Variants in RABL6 observed in about 807,000 individuals in gnomAD.
RABL6 encodes RAB, member RAS oncogene family like 6.
Under a neutral mutation model 72.9 loss-of-function variants are expected in RABL6, and 28 were observed. The observed-to-expected ratio is 0.38, with a 90% CI of 0.28 to 0.53. The LOEUF is 0.53. Among genes scored for constraint, RABL6 ranks in the 20% least tolerant of loss-of-function variants. The probability of loss-of-function intolerance (pLI) is 0.80; values close to 1 mark genes in which losing one functional copy is unlikely to be tolerated. For synonymous variants in RABL6, 477 were observed against 421.2 expected, an observed-to-expected ratio of 1.13 and a Z score of -1.62; for missense variants, 1,029 against 1,008.4, an observed-to-expected ratio of 1.02 and a Z score of -0.28.
rs771313251 is a variant in RABL6 at position 136,825,782 on chromosome 9, C to T, written c.269C>T (p.Thr90Met). ...TTTAGGATTCTCCCTGTTTCAGCCA[C>T]GGATGACATCGTGAAGGTTGAAGTC... ...VTSIHWSYKTTDDIVKVEVWD... is the reference protein window; with the variant it reads ...VTSIHWSYKTMDDIVKVEVWD... The change falls in exon 3 of 15, where the codon ACG becomes ATG. Residue 90 changes from threonine to methionine, a missense_variant. Coordinates refer to ENST00000311502, the MANE Select transcript of RABL6 (RefSeq NM_024718.5). 12 of 1,613,458 alleles carry T rather than the reference C, an allele frequency of 7.4e-6. No individual in the cohort carries two copies. The highest frequency in any genetic ancestry group is 9.3e-6 in the Non-Finnish European group (11 of 1,179,546).
rs1359473077 is a variant in RABL6, at chr9:136,839,845, C to A, written c.1910C>A (p.Pro637His). The A allele has an allele frequency of 1.2e-6, 2 of 1,612,352 alleles. No individual in the cohort carries two copies. Among genetic ancestry groups the A allele is most frequent in the South Asian group, 2.2e-5 (2 of 91,040 alleles). ...LFGLGLEEAG[P>H]KESSEEGKEG... is the part of the protein sequence containing the mutation. ...GGGCTGGGGCTGGAGGAGGCCGGACCCAAGGAGAGCAGTGAGGAAGGTGGG... is the reference window on the plus strand; with the variant it reads ...GGGCTGGGGCTGGAGGAGGCCGGACACAAGGAGAGCAGTGAGGAAGGTGGG... The change falls in exon 13 of 15, where the codon CCC becomes CAC. Residue 637 changes from proline to histidine, a missense_variant. Coordinates refer to ENST00000311502, the MANE Select transcript of RABL6 (RefSeq NM_024718.5).
chr9:136,823,944 G>C (rs959050310), intron 2 of RABL6, among the ~76,000 whole-genome samples: 1 of 152,252 alleles, frequency 6.6e-6, no homozygotes. Flanking sequence ...GCTGAAAAGA[G>C]GTACATTCCG....
chr9:136,818,047 A>AC, intron 1 of RABL6, among the ~76,000 whole-genome samples: 1 of 128,792 alleles, frequency 7.8e-6, no homozygotes, highest in Non-Finnish European at 1.6e-5. Context: ...GGGCAACAGA[A>AC]CAAGACTCCA....
chr9:136,808,476 G>T (rs1847919778), intron 1 of RABL6, 150 bp downstream of exon 1: 3 of 889,388 alleles, frequency 3.4e-6, no homozygotes, highest in South Asian at 9.5e-5. Flanking sequence ...GCGGGGGCGC[G>T]GGCCAGGGGA....
At chr9:136,822,561 C>G (rs1461379237) in intron 1 of RABL6, among the ~76,000 whole-genome samples, 1 of 152,132 alleles carries the variant, frequency 6.6e-6, no homozygotes, top group African/African-American at 2.4e-5. Context: ...TGTTCTTAGT[C>G]CAGTCGGGTG....
chr9:136,810,626 C>G (rs1166383333), intron 1 of RABL6, among the ~76,000 whole-genome samples: 1 of 152,100 alleles, frequency 6.6e-6, no homozygotes, highest in Non-Finnish European at 1.5e-5. Flanking sequence ...ACTGCAAGCT[C>G]CTCCTCCCGG....
chr9:136,833,631 A>G, intron 7 of RABL6: 1 of 1,517,354 alleles, frequency 6.6e-7, no homozygotes, highest in Non-Finnish European at 8.9e-7. Context: ...GGTCTGGGGG[A>G]CCTGAACCTC....
rs1016347637 is a variant in RABL6 at position 136,835,771 on chromosome 9, G to A, written c.735G>A (p.Thr245=). 19 of 1,550,866 alleles carry A rather than the reference G, an allele frequency of 1.2e-5. No individual in the cohort carries two copies. Among genetic ancestry groups the A allele is most frequent in the South Asian group, 4.8e-5 (4 of 84,072 alleles). ...QRETLLRQLE[T]NQLDMDATLE... ...AGACGCTGTTGCGGCAGCTGGAGACGAACCAGCTGGACATGGACGCCACGC... is the reference window on the plus strand; with the variant it reads ...AGACGCTGTTGCGGCAGCTGGAGACAAACCAGCTGGACATGGACGCCACGC... The change falls in exon 8 of 15, where the codon ACG becomes ACA. Residue 245 remains threonine (T), a synonymous_variant. Coordinates refer to ENST00000311502, the MANE Select transcript of RABL6 (RefSeq NM_024718.5).
At position 136,837,159 on chromosome 9, in the gene RABL6, G is replaced by A. The variant is rs1848597826; in HGVS notation, c.810-187G>A. On this transcript the variant is annotated intron_variant, in intron 8 of 14. Transcript: ENST00000311502. ...TACAGTGCTGGGATTACAGGCATGAGCCACCGTGCCTGGCTGGCACTGCTG... is the reference window on the plus strand; with the variant it reads ...TACAGTGCTGGGATTACAGGCATGAACCACCGTGCCTGGCTGGCACTGCTG... 5.4e-6 allele frequency: 4 copies of A among 743,230 alleles called. No homozygotes were observed. In the East Asian group the frequency reaches 1.1e-4, roughly 20 times the overall value. The allele number at this position is 743,230 out of a possible 1,614,324, so 46.0% of individuals were successfully genotyped here. A position where few individuals can be genotyped will look rare whatever the true frequency, so the allele number is the denominator to read the frequency against.
Position 136,808,243 on chromosome 9 carries a change from G to C in RABL6, c.47G>C (p.Gly16Ala). The change falls in exon 1 of 15, where the codon GGC becomes GCC. Residue 16 changes from glycine to alanine, a missense_variant. Gly to Ala is a moderately conservative substitution (Grantham distance 60). Coordinates refer to ENST00000311502, the MANE Select transcript of RABL6 (RefSeq NM_024718.5). ...KKLVGSDQAPGRDKNIPAGLQ... is the reference protein window; with the variant it reads ...KKLVGSDQAPARDKNIPAGLQ... Reference sequence around the variant, plus strand: ...CTGGTGGGGTCGGACCAGGCCCCGGGCCGGGACAAGAACATCCCCGCCGGG... The same window carrying C: ...CTGGTGGGGTCGGACCAGGCCCCGGCCCGGGACAAGAACATCCCCGCCGGG... 2.6e-6 allele frequency: 4 copies of C among 1,564,624 alleles called. No homozygotes were observed. Among genetic ancestry groups the C allele is most frequent in the Non-Finnish European group, 3.5e-6 (4 of 1,157,148 alleles).
chr9:136,834,445 T>G lies in RABL6; in HGVS notation c.706-1297T>G, dbSNP rs1041786311. 3.7e-5 allele frequency: 36 copies of G among 985,742 alleles called. No homozygotes were observed. The African/African-American group carries it at 4.9e-4, about 13-fold the overall frequency. The allele number at this position is 985,742 out of a possible 1,614,324, so 61.1% of individuals were successfully genotyped here. On this transcript the variant is annotated intron_variant, in intron 7 of 14. Transcript: ENST00000311502. ...GATTTCTCTTTGTAAATCACATTTTTTTGTTGTTGTTATAGCCTGGGGACC... is the reference window on the plus strand; with the variant it reads ...GATTTCTCTTTGTAAATCACATTTTGTTGTTGTTGTTATAGCCTGGGGACC...
In RABL6 at chr9:136,823,298, T is replaced by G. The variant is rs564911008; in HGVS notation, c.131-227T>G. Among the ~76,000 whole-genome samples, 294 of 152,120 alleles carry G rather than the reference T, an allele frequency of 1.9e-3. 1 individual carries two copies. Among genetic ancestry groups the G allele is most frequent in the African/African-American group, 6.8e-3 (284 of 41,474 alleles). On this transcript the variant is annotated intron_variant, in intron 1 of 14. Transcript: ENST00000311502. ...GTAGAAAGCTGCCCCCTGGGCCCGG[T>G]TCGCCGTTGATGCTCTGTGTGCTGC...
In RABL6 at chr9:136,808,013, C is replaced by A. The variant is rs1206355363; in HGVS notation, c.-184C>A. 132 of 1,030,910 alleles carry A rather than the reference C, an allele frequency of 1.3e-4. No individual in the cohort carries two copies. Among genetic ancestry groups the A allele is most frequent in the Non-Finnish European group, 1.5e-4 (126 of 860,144 alleles). 63.9% of individuals were successfully genotyped at this position (1,030,910 alleles called of 1,614,324 possible). A position where few individuals can be genotyped will look rare whatever the true frequency, so the allele number is the denominator to read the frequency against. ...GCCGCGGGGGCCGGAGCGGAGCAGCCGCGGCTGAGGTTCCCGAGTCGCCGC... is the reference window on the plus strand; with the variant it reads ...GCCGCGGGGGCCGGAGCGGAGCAGCAGCGGCTGAGGTTCCCGAGTCGCCGC... On this transcript the variant is annotated 5_prime_UTR_variant, in exon 1 of 15. Transcript: ENST00000311502.
At chr9:136,828,389 C>A in intron 3 of RABL6, 105 bp from the exon 4 acceptor site, 1 of 1,157,850 alleles carries the variant, frequency 8.6e-7, no homozygotes, top group Non-Finnish European at 1.3e-6. Flanking sequence ...TGGAGTAGAG[C>A]ACCCGCTGGA....
chr9:136,813,207 C>T, intron 1 of RABL6: 1 of 514,302 alleles, frequency 1.9e-6, no homozygotes. Context: ...AGCCTGATTG[C>T]CCTGCCCCCA....
chr9:136,839,697 G>A lies in RABL6; in HGVS notation c.1762G>A (p.Asp588Asn), dbSNP rs2131207940. ...CCAGTTGCTCTCCCTGCTCCAGGAT[G>A]ACTTTCCCGTGCGAGATGACCCCTC... ...EGSDTQRRAD[D>N]FPVRDDPSDV... The change falls in exon 13 of 15, where the codon GAC becomes AAC. Residue 588 changes from aspartate to asparagine, a missense_variant. Coordinates refer to ENST00000311502, the MANE Select transcript of RABL6 (RefSeq NM_024718.5). 1 of 1,581,856 alleles carries A rather than the reference G, an allele frequency of 6.3e-7. No homozygotes were observed. Among genetic ancestry groups the A allele is most frequent in the Non-Finnish European group, 8.6e-7 (1 of 1,160,742 alleles).
In RABL6 at chr9:136,808,016, G is replaced by A. The variant is rs11537630; in HGVS notation, c.-181G>A. On this transcript the variant is annotated 5_prime_UTR_variant, in exon 1 of 15. Coordinates refer to ENST00000311502, the MANE Select transcript of RABL6 (RefSeq NM_024718.5). Reference sequence around the variant, plus strand: ...GCGGGGGCCGGAGCGGAGCAGCCGCGGCTGAGGTTCCCGAGTCGCCGCTCG... The same window carrying A: ...GCGGGGGCCGGAGCGGAGCAGCCGCAGCTGAGGTTCCCGAGTCGCCGCTCG... 0.18 allele frequency: 186,177 copies of A among 1,033,304 alleles called. 17,703 individuals are homozygous for A. The highest frequency in any genetic ancestry group is 0.19 in the Non-Finnish European group (166,038 of 861,384). 64.0% of individuals were successfully genotyped at this position (1,033,304 alleles called of 1,614,324 possible). A position where few individuals can be genotyped will look rare whatever the true frequency, so the allele number is the denominator to read the frequency against.
chr9:136,832,711 G>A (rs912625508), intron 7 of RABL6: 14 of 371,036 alleles, frequency 3.8e-5, no homozygotes, highest in African/African-American at 6.3e-5. Flanking sequence ...GGCTCACTGC[G>A]GCCTCAAACT....
intron 4 of RABL6, 58 bp downstream of exon 4, chr9:136,828,604 G>A (rs369975514): frequency 1.6e-4 from 254 of 1,560,502 alleles, no homozygotes; most frequent in East Asian, 1.1e-3. Context: ...TGCGTGAGCC[G>A]GTGCCCAGCG....
Sources: gnomAD v4.1 joint callset for allele counts (sites outside exome capture counted in the v4.1 genomes callset) on GRCh38, gnomAD v4.1.1 for gene constraint, MANE v1.5 for transcripts, NCBI Gene and HGNC (gene_info 2026-07-23, HGNC 2026-07-21) for gene names.